TCF12: variants seen among roughly 807,000 people sequenced by gnomAD.
TCF12 encodes the protein DNA-binding protein HTF4.
Under a neutral mutation model 86.0 loss-of-function variants are expected in TCF12, and 45 were observed. The ratio of observed to expected loss-of-function variants is 0.52; its 90% CI spans 0.41 to 0.67. The LOEUF is 0.67. TCF12 is among the 30% of genes least tolerant of loss of function. The pLI, the probability that TCF12 is intolerant of heterozygous loss-of-function variation, is 0.00. For missense variants in TCF12, 881 were observed against 859.9 expected, an observed-to-expected ratio of 1.02 and a Z score of -0.31; for synonymous variants, 330 against 299.6, an observed-to-expected ratio of 1.10 and a Z score of -1.05.
At chr15:56,938,064 A>G (rs1336057693) in intron 3 of TCF12, among the ~76,000 whole-genome samples, 1 of 20,500 alleles carries the variant, frequency 4.9e-5, no homozygotes, top group Non-Finnish European at 1.1e-4. Context: ...TTTTTTTGAG[A>G]CAGATAGCTA....
At chr15:57,040,354 G>A (rs1202230141) in intron 3 of TCF12, among the ~76,000 whole-genome samples, 4 of 152,198 alleles carry the variant, frequency 2.6e-5, no homozygotes, top group African/African-American at 9.6e-5. Context: ...TTGGTAAAAA[G>A]TAAATTGATC....
At chr15:57,124,085 G>C (rs1003422267) in intron 5 of TCF12, among the ~76,000 whole-genome samples, 1 of 151,876 alleles carries the variant, frequency 6.6e-6, no homozygotes, top group Non-Finnish European at 1.5e-5. Flanking sequence ...AAAGTGCTGG[G>C]ATTATAGATG....
At chr15:57,076,674 A>G (rs1168428065) in intron 4 of TCF12, among the ~76,000 whole-genome samples, 5 of 151,906 alleles carry the variant, frequency 3.3e-5, no homozygotes, top group African/African-American at 1.2e-4. Flanking sequence ...AATAGAATAA[A>G]CTTTTTCCCA....
At chr15:57,075,279 T>A (rs1231000268) in intron 4 of TCF12, among the ~76,000 whole-genome samples, 2 of 152,236 alleles carry the variant, frequency 1.3e-5, no homozygotes, top group African/African-American at 4.8e-5. Context: ...TAATTTTGCC[T>A]TACTTCCTTA....
At chr15:57,234,257 A>C (rs1366815567) in intron 12 of TCF12, 150 bp downstream of exon 12, 1 of 665,126 alleles carries the variant, frequency 1.5e-6, no homozygotes, top group African/African-American at 1.8e-5. Context: ...TTGTATTGAT[A>C]TATGCCCTTA....
chr15:57,156,146 CTG>C (rs1226217299), intron 5 of TCF12, among the ~76,000 whole-genome samples: 1 of 152,334 alleles, frequency 6.6e-6, no homozygotes, highest in African/African-American at 2.4e-5. Context: ...GGTTTTATAA[CTG>C]TACATCATCT....
intron 3 of TCF12, among the ~76,000 whole-genome samples, chr15:57,003,932 A>T (rs1296163349): frequency 6.6e-6 from 1 of 152,152 alleles, no homozygotes; most frequent in Non-Finnish European, 1.5e-5. Flanking sequence ...TTTTCTTGAG[A>T]TTCCATTTTG....
chr15:57,069,974 T>C (rs1461542971), intron 4 of TCF12, among the ~76,000 whole-genome samples: 1 of 152,232 alleles, frequency 6.6e-6, no homozygotes, highest in Non-Finnish European at 1.5e-5. Context: ...TCTGCCTCAT[T>C]GCTCTGTGAC....
At chr15:57,097,721 A>G (rs2049427832) in intron 5 of TCF12, among the ~76,000 whole-genome samples, 1 of 152,164 alleles carries the variant, frequency 6.6e-6, no homozygotes. Context: ...ATATGATTGT[A>G]TATTCATTGA....
At chr15:57,265,730 GT>G (rs1201111042) in intron 18 of TCF12, among the ~76,000 whole-genome samples, 2 of 152,104 alleles carry the variant, frequency 1.3e-5, no homozygotes, top group African/African-American at 4.8e-5. Context: ...TAAAGTTGCA[GT>G]TTCCAAGAAC....
chr15:57,199,390 T>G (rs1187333929), intron 8 of TCF12, among the ~76,000 whole-genome samples: 2 of 152,124 alleles, frequency 1.3e-5, no homozygotes, highest in African/African-American at 4.8e-5. Flanking sequence ...TGTAATTCAA[T>G]GAGAGTAATA....
rs201087710 is a variant in TCF12, at chr15:57,166,482, A to T, written c.390+16A>T. The T allele has an allele frequency of 3.8e-5, 61 of 1,604,180 alleles. No homozygotes were observed. Among genetic ancestry groups the T allele is most frequent in the Non-Finnish European group, 4.9e-5 (58 of 1,174,472 alleles). ...AGGCTGTCAAGTAAGTTTAATGATT[A>T]AAAAAAGCAATGAGATGGTTTTTAA... On this transcript the variant is annotated intron_variant, in intron 6 of 20. Coordinates refer to ENST00000333725, the MANE Select transcript of TCF12 (RefSeq NM_207037.2).
chr15:57,192,329 T>C (rs762104788), intron 7 of TCF12, 36 bp downstream of exon 7: 11 of 1,599,300 alleles, frequency 6.9e-6, no homozygotes, highest in African/African-American at 4.0e-5. Context: ...ATCCCACATA[T>C]GTTGTTGTTG....
intron 8 of TCF12, among the ~76,000 whole-genome samples, chr15:57,217,347 G>T (rs1462989474): frequency 6.6e-6 from 1 of 152,060 alleles, no homozygotes; most frequent in Non-Finnish European, 1.5e-5. Flanking sequence ...CTGAATGTAT[G>T]TTTATTCTCT....
intron 5 of TCF12, among the ~76,000 whole-genome samples, chr15:57,113,719 T>G (rs1018164540): frequency 4.9e-4 from 74 of 150,768 alleles, no homozygotes; most frequent in African/African-American, 1.6e-3. Flanking sequence ...TCAGGAGTAT[T>G]GTTTGAGACC....
chr15:57,034,274 T>C (rs1477920401), intron 3 of TCF12, among the ~76,000 whole-genome samples: 19 of 152,184 alleles, frequency 1.2e-4, no homozygotes, highest in Admixed American at 1.2e-3. Context: ...GAAGAATCTT[T>C]AGGTTCTTGC....
intron 18 of TCF12, among the ~76,000 whole-genome samples, chr15:57,266,186 T>G (rs2060861689): frequency 6.6e-6 from 1 of 152,130 alleles, no homozygotes; most frequent in African/African-American, 2.4e-5. Context: ...CTTGGCTCAC[T>G]GCAGCCTCAG....
At chr15:56,985,907 G>T (rs1246158101) in intron 3 of TCF12, among the ~76,000 whole-genome samples, 3 of 152,148 alleles carry the variant, frequency 2.0e-5, no homozygotes, top group Non-Finnish European at 4.4e-5. Flanking sequence ...GAGGCTGAAG[G>T]AATTTCAGTT....
At position 56,958,447 on chromosome 15, in the gene TCF12, T is replaced by G. The variant is rs140938977; in HGVS notation, c.148+37349T>G. On this transcript the variant is annotated intron_variant, in intron 3 of 20. Transcript: ENST00000333725. ...AAATCTATTTCTGTTACTCTGTCTT[T>G]ATGGCAGGCAGAGGTTCTAACTATT... is the stretch of plus-strand genomic sequence containing the variant. 2.0e-3 allele frequency among the ~76,000 whole-genome samples: 307 copies of G among 152,362 alleles called. 1 individual carries two copies. Among genetic ancestry groups the G allele is most frequent in the Admixed American group, 5.2e-3 (79 of 15,306 alleles).
Sources: gnomAD v4.1 joint callset for allele counts (sites outside exome capture counted in the v4.1 genomes callset) on GRCh38, gnomAD v4.1.1 for gene constraint, MANE v1.5 for transcripts, NCBI Gene and HGNC (gene_info 2026-07-23, HGNC 2026-07-21) for gene names.